Variants in WDPCP observed in about 807,000 individuals in gnomAD.
WDPCP encodes WD repeat-containing and planar cell polarity effector protein fritz homolog.
WDPCP carries 71 observed loss-of-function variants against 93.1 expected under a neutral mutation model. That is an observed-to-expected ratio of 0.76 (90% CI 0.63 to 0.93). The LOEUF is 0.93. Ranked by LOEUF, WDPCP falls within the 40% of genes least tolerant of loss-of-function variation. The pLI, the probability that WDPCP is intolerant of heterozygous loss-of-function variation, is 0.00. For synonymous variants in WDPCP, 315 were observed against 315.0 expected (o/e 1.00, Z 0.00); for missense variants, 844 against 887.4 (o/e 0.95, Z 0.62).
Position 63,622,142 on chromosome 2 carries a change from G to C in WDPCP, n.488+28517C>G. The C allele has an allele frequency of 2.6e-6, 4 of 1,543,948 alleles. No homozygotes were observed. The South Asian group carries it at 4.7e-5, about 18-fold the overall frequency. ...AGGGAGGGCAGAGGGGCTAAGCCTA[G>C]CTGTCTGGGTTGCTGTGGTGGTGGT... On this transcript the variant is annotated intron_variant and non_coding_transcript_variant, in intron 3 of 4. Transcript: ENST00000467687.
At position 63,522,397 on chromosome 2, in the gene WDPCP, A is replaced by G. The variant is rs140920804; in HGVS notation, c.76-29457T>C. ...AAACAAACCCCAAAGCTAGCGGAAG[A>G]CAAGAAATAACCAAAATCAGAGCTG... On this transcript the variant is annotated intron_variant, in intron 1 of 17. Coordinates refer to ENST00000272321, the MANE Select transcript of WDPCP (RefSeq NM_015910.7). 3.6e-3 allele frequency among the ~76,000 whole-genome samples: 542 copies of G among 151,820 alleles called. 3 individuals are homozygous for G. The highest frequency in any genetic ancestry group is 0.012 in the African/African-American group (505 of 41,362).
chr2:63,156,784 A>G (rs1353106867), intron 15 of WDPCP, among the ~76,000 whole-genome samples: 1 of 152,182 alleles, frequency 6.6e-6, no homozygotes, highest in East Asian at 1.9e-4. Context: ...TGTGTTGACC[A>G]TATATCTTGT....
At chr2:63,604,520 G>GT (rs1709490843) in intron 3 of WDPCP, among the ~76,000 whole-genome samples, 1 of 152,188 alleles carries the variant, frequency 6.6e-6, no homozygotes, top group Admixed American at 6.5e-5. Context: ...CTGTTAAGCT[G>GT]TTGTAGGAAA....
chr2:63,133,258 T>C (rs981051375), intron 17 of WDPCP, among the ~76,000 whole-genome samples: 5 of 152,326 alleles, frequency 3.3e-5, no homozygotes, highest in African/African-American at 1.2e-4. Context: ...CCCAGGAATC[T>C]GTAGGGTCTC....
At chr2:63,153,424 A>T in intron 16 of WDPCP, 71 bp downstream of exon 16, 1 of 1,190,682 alleles carries the variant, frequency 8.4e-7, no homozygotes, top group Non-Finnish European at 1.2e-6. Flanking sequence ...TAATTTACTG[A>T]AAGTTCTTGC....
intron 9 of WDPCP, among the ~76,000 whole-genome samples, chr2:63,426,434 CAT>C (rs1159112609): frequency 6.6e-6 from 1 of 152,138 alleles, no homozygotes. Flanking sequence ...CCAAGAATTT[CAT>C]ATCTCACCAA....
At chr2:63,456,588 T>C (rs992116485) in intron 6 of WDPCP, among the ~76,000 whole-genome samples, 1 of 152,068 alleles carries the variant, frequency 6.6e-6, no homozygotes, top group African/African-American at 2.4e-5. Flanking sequence ...AGCAATCTAA[T>C]GATAGACCTC....
At chr2:63,282,668 A>AT (rs1348386273) in intron 13 of WDPCP, among the ~76,000 whole-genome samples, 11 of 152,300 alleles carry the variant, frequency 7.2e-5, no homozygotes, top group African/African-American at 2.4e-4. Context: ...AGCCATATAC[A>AT]TTTTTACATA....
At chr2:63,461,039 G>A (rs1698974113) in intron 6 of WDPCP, among the ~76,000 whole-genome samples, 1 of 152,198 alleles carries the variant, frequency 6.6e-6, no homozygotes, top group Non-Finnish European at 1.5e-5. Flanking sequence ...CTGATAGTCT[G>A]GGATCTAAGG....
At chr2:63,527,174 G>A (rs1284208204) in intron 1 of WDPCP, among the ~76,000 whole-genome samples, 1 of 150,988 alleles carries the variant, frequency 6.6e-6, no homozygotes, top group Non-Finnish European at 1.5e-5. Flanking sequence ...ATAGCAAGCA[G>A]TCTTAGAAAA....
At chr2:63,752,590 G>A (rs1575764673) in intron 2 of WDPCP, 2 of 597,970 alleles carry the variant, frequency 3.3e-6, no homozygotes, top group Non-Finnish European at 6.0e-6. Flanking sequence ...TTCCAGTGAA[G>A]AGCTGCTCAG....
At chr2:63,340,497 G>C (rs1400751756) in intron 12 of WDPCP, among the ~76,000 whole-genome samples, 1 of 152,188 alleles carries the variant, frequency 6.6e-6, no homozygotes, top group Non-Finnish European at 1.5e-5. Context: ...CATTTAAGCA[G>C]TCATGATGCT....
chr2:63,840,089 C>A, the WDPCP span, among the ~76,000 whole-genome samples: 101 of 152,352 alleles, frequency 6.6e-4, 1 homozygote, highest in African/African-American at 2.3e-3. Flanking sequence ...TCTGTAATTA[C>A]CGTACTTGTT....
intron 2 of WDPCP, among the ~76,000 whole-genome samples, chr2:63,704,856 T>G (rs1669122571): frequency 6.6e-6 from 1 of 152,202 alleles, no homozygotes. Context: ...TTGATTGGGA[T>G]AGTTTCAGAA....
Position 63,572,956 on chromosome 2 carries a change from GT to G in WDPCP, c.75+15240del, listed in dbSNP as rs1707640857. 7.2e-5 allele frequency among the ~76,000 whole-genome samples: 11 copies of G among 151,854 alleles called. No individual in the cohort carries two copies. In the South Asian group the frequency reaches 2.1e-3, roughly 29 times the overall value. ...AGAAGAGGATTTCTGCTCTTCAAAA[GT>G]ATTCATTGGCCAGGCATAGTGGCTC... On this transcript the variant is annotated intron_variant, in intron 1 of 17. Coordinates refer to ENST00000272321, the MANE Select transcript of WDPCP (RefSeq NM_015910.7).
intron 1 of WDPCP, among the ~76,000 whole-genome samples, chr2:63,543,477 CA>C (rs1704900817): frequency 6.6e-6 from 1 of 151,870 alleles, no homozygotes; most frequent in Non-Finnish European, 1.5e-5. Context: ...TTTTAATTCC[CA>C]AAAAGTATTG....
intron 14 of WDPCP, among the ~76,000 whole-genome samples, chr2:63,210,513 C>T (rs1267125087): frequency 5.3e-5 from 8 of 152,152 alleles, no homozygotes; most frequent in African/African-American, 1.9e-4. Context: ...CTCCAGTCTA[C>T]ATTTCCCACC....
Position 63,140,080 on chromosome 2 carries a change from C to T in WDPCP, c.2190+12834G>A, listed in dbSNP as rs570862421. 5.9e-5 allele frequency among the ~76,000 whole-genome samples: 9 copies of T among 152,318 alleles called. No individual in the cohort carries two copies. The East Asian group carries it at 1.7e-3, about 29-fold the overall frequency. Reference sequence around the variant, plus strand: ...TTTGTTGAAAAGGGTGTCCTTTCCCCACTTTATGTTTTTGTTTGCTTTGTT... The same window carrying T: ...TTTGTTGAAAAGGGTGTCCTTTCCCTACTTTATGTTTTTGTTTGCTTTGTT... On this transcript the variant is annotated intron_variant, in intron 17 of 17. Coordinates refer to ENST00000272321, the MANE Select transcript of WDPCP (RefSeq NM_015910.7).
At chr2:63,526,575 T>C (rs1311398316) in intron 1 of WDPCP, among the ~76,000 whole-genome samples, 2 of 152,334 alleles carry the variant, frequency 1.3e-5, no homozygotes, top group African/African-American at 2.4e-5. Flanking sequence ...TAGCTGACTA[T>C]CCTCCAGAAA....
Sources: gnomAD v4.1 joint callset for allele counts (sites outside exome capture counted in the v4.1 genomes callset) on GRCh38, gnomAD v4.1.1 for gene constraint, MANE v1.5 for transcripts, NCBI Gene and HGNC (gene_info 2026-07-23, HGNC 2026-07-21) for gene names.